Variants in SDK1 observed in about 807,000 individuals in gnomAD.
SDK1 encodes the protein sidekick cell adhesion molecule 1, also known as protein sidekick-1.
A neutral mutation model predicts 245.5 loss-of-function variants in SDK1; 157 were observed. That is an observed-to-expected ratio of 0.64 (90% CI 0.56 to 0.73). The LOEUF (loss-of-function observed/expected upper bound fraction) is 0.73, where lower values mean the gene tolerates loss of function less well. Among genes scored for constraint, SDK1 ranks in the 30% least tolerant of loss-of-function variants. The pLI is 0.00. For synonymous variants in SDK1, 1,647 were observed against 1,278.5 expected, an observed-to-expected ratio of 1.29 and a Z score of -6.15; for missense variants, 3,583 against 3,002.3, an observed-to-expected ratio of 1.19 and a Z score of -4.52.
chr7:3,490,543 G>A (rs1421979518), intron 1 of SDK1, among the ~76,000 whole-genome samples: 2 of 151,970 alleles, frequency 1.3e-5, no homozygotes, highest in Non-Finnish European at 2.9e-5. Context: ...CTTATTTTTT[G>A]TGTCAAGAAC....
In SDK1 at chr7:3,652,555, T is replaced by C. The variant is rs192977322; in HGVS notation, c.713+10450T>C. ...GAGAGATTTCTCGTGGATTTTTATT[T>C]TCTCTATGAATATGGGGATGAGTTT... On this transcript the variant is annotated intron_variant, in intron 4 of 44. Coordinates refer to ENST00000404826, the MANE Select transcript of SDK1 (RefSeq NM_152744.4). Among the ~76,000 whole-genome samples, 6 of 152,328 alleles carry C rather than the reference T, an allele frequency of 3.9e-5. No individual in the cohort carries two copies. In the East Asian group the frequency reaches 7.7e-4, roughly 20 times the overall value.
At chr7:3,532,573 C>G (rs1262716988) in intron 1 of SDK1, among the ~76,000 whole-genome samples, 1 of 152,164 alleles carries the variant, frequency 6.6e-6, no homozygotes, top group Admixed American at 6.5e-5. Context: ...AGACCCAAGT[C>G]TTCTGTCTGC....
At chr7:3,892,548 C>T (rs1781486018) in intron 5 of SDK1, among the ~76,000 whole-genome samples, 3 of 152,154 alleles carry the variant, frequency 2.0e-5, no homozygotes, top group South Asian at 2.1e-4. Context: ...TGGCAAGTCA[C>T]GATGAGGAGA....
intron 1 of SDK1, among the ~76,000 whole-genome samples, chr7:3,482,780 G>A (rs1299430279): frequency 6.6e-6 from 1 of 152,172 alleles, no homozygotes; most frequent in Non-Finnish European, 1.5e-5. Flanking sequence ...AGGCATTACT[G>A]AAGGCAACAA....
At chr7:3,518,546 A>T (rs1229916272) in intron 1 of SDK1, among the ~76,000 whole-genome samples, 1 of 152,134 alleles carries the variant, frequency 6.6e-6, no homozygotes. Context: ...TTCTCAAAAT[A>T]ATACATATAC....
chr7:3,930,393 A>T (rs985708613), intron 5 of SDK1, among the ~76,000 whole-genome samples: 1 of 152,230 alleles, frequency 6.6e-6, no homozygotes, highest in African/African-American at 2.4e-5. Context: ...CAGAATCTGC[A>T]CTTGAACAGG....
intron 25 of SDK1, among the ~76,000 whole-genome samples, chr7:4,123,818 C>A (rs1484946532): frequency 4.6e-5 from 7 of 152,234 alleles, no homozygotes; most frequent in Non-Finnish European, 1.0e-4. Flanking sequence ...CTACACCCAG[C>A]AGCCGATCTA....
rs748588240 is a variant in SDK1, at chr7:3,962,819, A to T, written c.1397A>T (p.Glu466Val). 6.2e-7 allele frequency: 1 copy of T among 1,613,404 alleles called. No homozygotes were observed. Among genetic ancestry groups the T allele is most frequent in the South Asian group, 1.1e-5 (1 of 91,034 alleles). Reference protein sequence around the residue: ...FQCFASNEGGEIQTHTYLDVT... With the variant: ...FQCFASNEGGVIQTHTYLDVT... ...TGCTTCGCCAGCAATGAAGGAGGGGAGATCCAGACCCACACCTACCTGGAT... is the reference window on the plus strand; with the variant it reads ...TGCTTCGCCAGCAATGAAGGAGGGGTGATCCAGACCCACACCTACCTGGAT... Residue 466 changes from glutamate (E) to valine (V), a missense_variant, in exon 9 of 45, where the codon GAG (glutamate) becomes GTG (valine). Glu to Val is a moderately radical substitution (Grantham distance 121, BLOSUM62 -2). Coordinates refer to ENST00000404826, the MANE Select transcript of SDK1 (RefSeq NM_152744.4).
At chr7:3,653,022 A>G (rs1001738909) in intron 4 of SDK1, among the ~76,000 whole-genome samples, 1 of 152,206 alleles carries the variant, frequency 6.6e-6, no homozygotes, top group Non-Finnish European at 1.5e-5. Context: ...CACTTTGGCT[A>G]TTCCATTCAG....
chr7:3,787,922 C>G (rs199827689), intron 4 of SDK1, among the ~76,000 whole-genome samples: 1 of 152,196 alleles, frequency 6.6e-6, no homozygotes, highest in Non-Finnish European at 1.5e-5. Flanking sequence ...TGCGGTTGCA[C>G]AGAAGCCACT....
intron 4 of SDK1, among the ~76,000 whole-genome samples, chr7:3,755,371 G>C (rs1779890865): frequency 2.0e-5 from 3 of 152,142 alleles, no homozygotes; most frequent in African/African-American, 7.2e-5. Context: ...GTTGTGTTTT[G>C]GCTTCCTGGG....
intron 35 of SDK1, among the ~76,000 whole-genome samples, chr7:4,203,534 A>T (rs200234792): frequency 0.029 from 1,990 of 67,854 alleles, 19 homozygotes; most frequent in Non-Finnish European, 0.03. Context: ...TTTTTTTTTT[A>T]AAAAAAAAAA....
At chr7:4,148,042 G>T (rs567572433) in intron 29 of SDK1, among the ~76,000 whole-genome samples, 1 of 152,004 alleles carries the variant, frequency 6.6e-6, no homozygotes, top group South Asian at 2.1e-4. Context: ...TTCCATTGGG[G>T]CCCCCATCCT....
intron 1 of SDK1, among the ~76,000 whole-genome samples, chr7:3,447,021 T>C (rs1780361764): frequency 6.6e-6 from 1 of 152,168 alleles, no homozygotes; most frequent in Non-Finnish European, 1.5e-5. Flanking sequence ...TGCAGTGGGC[T>C]TTAGGTTTCT....
chr7:4,149,618 C>A (rs1314468620), intron 30 of SDK1, among the ~76,000 whole-genome samples, 155 bp downstream of exon 30: 5 of 152,194 alleles, frequency 3.3e-5, no homozygotes, highest in Non-Finnish European at 7.4e-5. Flanking sequence ...TGCTGGGAAT[C>A]CCAGAACTCC....
intron 4 of SDK1, among the ~76,000 whole-genome samples, chr7:3,739,580 AATTT>A (rs749996873): frequency 6.6e-6 from 1 of 152,124 alleles, no homozygotes; most frequent in African/African-American, 2.4e-5. Flanking sequence ...CCCTCCAGTG[AATTT>A]ATTTGTTATT....
At chr7:3,470,462 C>G (rs1781147441) in intron 1 of SDK1, among the ~76,000 whole-genome samples, 1 of 151,932 alleles carries the variant, frequency 6.6e-6, no homozygotes, top group Non-Finnish European at 1.5e-5. Context: ...CTATTTTGAC[C>G]TTTTAAAGAG....
chr7:3,442,515 A>G (rs1562488956), intron 1 of SDK1, among the ~76,000 whole-genome samples: 1 of 152,214 alleles, frequency 6.6e-6, no homozygotes. Context: ...AGTGGAGAAT[A>G]TACATTTTGG....
intron 35 of SDK1, among the ~76,000 whole-genome samples, chr7:4,204,544 G>T (rs928023293): frequency 2.0e-5 from 3 of 152,154 alleles, no homozygotes; most frequent in Non-Finnish European, 2.9e-5. Flanking sequence ...GGGGTGATGG[G>T]GAAGGGGCGA....
Sources: allele counts gnomAD v4.1 joint callset (sites outside exome capture counted in the v4.1 genomes callset), GRCh38; gene constraint gnomAD v4.1.1; transcripts MANE v1.5; gene names NCBI Gene and HGNC (gene_info 2026-07-23, HGNC 2026-07-21).